TMEM232: variants seen among roughly 807,000 people sequenced by gnomAD.
TMEM232 encodes transmembrane protein 232.
In TMEM232, 80 loss-of-function variants were observed where a neutral mutation model predicts 78.8. The observed-to-expected ratio is 1.01, with a 90% CI of 0.85 to 1.22. The LOEUF is 1.22. Among genes scored for constraint, TMEM232 ranks in the 50% most tolerant of loss-of-function variants. The probability of loss-of-function intolerance (pLI) is 0.00; values close to 1 mark genes in which losing one functional copy is unlikely to be tolerated. For synonymous variants in TMEM232, 297 were observed against 254.3 expected, an observed-to-expected ratio of 1.17 and a Z score of -1.60; for missense variants, 881 against 742.2, an observed-to-expected ratio of 1.19 and a Z score of -2.17.
intron 12 of TMEM232, among the ~76,000 whole-genome samples, chr5:110,488,815 A>G (rs1764731609): frequency 6.6e-6 from 1 of 152,004 alleles, no homozygotes; most frequent in East Asian, 1.9e-4. Flanking sequence ...CTTTAGCTAC[A>G]TTAACCTAGC....
At chr5:110,390,351 A>G (rs1755133296) in intron 4 of TMEM232, 1 of 152,208 alleles carries the variant, frequency 6.6e-6, no homozygotes, top group African/African-American at 2.4e-5. Flanking sequence ...AGGACAAGTC[A>G]CAATCTGCCG....
At chr5:110,472,597 C>T (rs1375056252) in intron 12 of TMEM232, among the ~76,000 whole-genome samples, 3 of 151,680 alleles carry the variant, frequency 2.0e-5, no homozygotes, top group African/African-American at 4.8e-5. Flanking sequence ...AATCAAAGCA[C>T]TCTTGAGCAA....
intron 12 of TMEM232, among the ~76,000 whole-genome samples, chr5:110,487,491 C>A (rs922104351): frequency 2.6e-5 from 4 of 151,950 alleles, no homozygotes; most frequent in Non-Finnish European, 5.9e-5. Flanking sequence ...CCCTTGTATG[C>A]CAATTTTGCT....
chr5:110,523,088 T>A (rs1769789594), intron 12 of TMEM232, among the ~76,000 whole-genome samples: 1 of 152,222 alleles, frequency 6.6e-6, no homozygotes, highest in Admixed American at 6.5e-5. Context: ...CCATAGTAGT[T>A]ATAAGTATGT....
At chr5:110,566,473 A>C (rs1388371046) in intron 11 of TMEM232, among the ~76,000 whole-genome samples, 2 of 151,794 alleles carry the variant, frequency 1.3e-5, no homozygotes, top group African/African-American at 4.8e-5. Context: ...GTCACTTAGA[A>C]TTTTTTTCTG....
intron 13 of TMEM232, among the ~76,000 whole-genome samples, chr5:110,421,544 A>G (rs1242639281): frequency 6.6e-6 from 1 of 152,004 alleles, no homozygotes; most frequent in Non-Finnish European, 1.5e-5. Flanking sequence ...GACTCCTAGT[A>G]TGCAATATTG....
intron 8 of TMEM232, among the ~76,000 whole-genome samples, chr5:110,612,000 G>T (rs1408809577): frequency 3.3e-5 from 5 of 152,138 alleles, no homozygotes; most frequent in African/African-American, 1.2e-4. Flanking sequence ...GTGTACTGAG[G>T]TAGAAATTCA....
At chr5:110,515,560 T>G (rs1364322451) in intron 12 of TMEM232, among the ~76,000 whole-genome samples, 2 of 152,204 alleles carry the variant, frequency 1.3e-5, no homozygotes, top group East Asian at 3.8e-4. Context: ...ACCCAATGAA[T>G]GTCCAAATGC....
At chr5:110,600,966 A>C (rs1780806683) in intron 10 of TMEM232, among the ~76,000 whole-genome samples, 1 of 152,246 alleles carries the variant, frequency 6.6e-6, no homozygotes, top group African/African-American at 2.4e-5. Flanking sequence ...ACCACGATCA[A>C]GTCAGCTTCA....
At chr5:110,556,866 G>A (rs1019419290) in intron 11 of TMEM232, among the ~76,000 whole-genome samples, 2 of 152,000 alleles carry the variant, frequency 1.3e-5, no homozygotes, top group East Asian at 1.9e-4. Context: ...TCTTGATGAT[G>A]GTCATCTTGT....
rs138030380 is a variant in TMEM232, at chr5:110,550,354, T to A, written c.1455+18093A>T. Among the ~76,000 whole-genome samples, 685 of 152,262 alleles carry A rather than the reference T, an allele frequency of 4.5e-3. 3 individuals carry two copies. Among genetic ancestry groups the A allele is most frequent in the Non-Finnish European group, 7.0e-3 (479 of 68,000 alleles). On this transcript the variant is annotated intron_variant, in intron 11 of 13. Transcript: ENST00000455884. ...TGAAAATGTTGAAAGCTGTCCCTTA[T>A]GAGACTCACGTAAAACATACATGTC...
intron 2 of TMEM232, among the ~76,000 whole-genome samples, chr5:110,655,762 T>A (rs1484526039): frequency 6.6e-6 from 1 of 151,628 alleles, no homozygotes; most frequent in Admixed American, 6.6e-5. Flanking sequence ...TGTAGGGACA[T>A]GGATGAAATT....
chr5:110,643,271 A>G (rs1420018005), intron 2 of TMEM232, among the ~76,000 whole-genome samples: 1 of 152,038 alleles, frequency 6.6e-6, no homozygotes, highest in Non-Finnish European at 1.5e-5. Flanking sequence ...GTTATGTTTG[A>G]GATGATCATG....
At chr5:110,726,981 C>T (rs981257136), upstream of TMEM232, among the ~76,000 whole-genome samples, 4 of 152,130 alleles carry the variant, frequency 2.6e-5, no homozygotes, top group African/African-American at 4.8e-5. Flanking sequence ...CAAACCAGCA[C>T]GCCTATCATA....
intron 1 of TMEM232, among the ~76,000 whole-genome samples, chr5:110,682,208 T>C (rs1391273967): frequency 2.6e-5 from 4 of 152,126 alleles, no homozygotes; most frequent in Non-Finnish European, 5.9e-5. Flanking sequence ...TAAATTAAAA[T>C]TATCCTTAAG....
At chr5:110,618,306 G>C (rs1462884425) in intron 8 of TMEM232, 123 bp downstream of exon 8, 2 of 1,234,648 alleles carry the variant, frequency 1.6e-6, no homozygotes, top group Non-Finnish European at 1.1e-6. Flanking sequence ...CTTTGGAACT[G>C]AGATTATAAA....
At chr5:110,570,278 G>A (rs1031589900) in intron 10 of TMEM232, among the ~76,000 whole-genome samples, 2 of 151,850 alleles carry the variant, frequency 1.3e-5, no homozygotes, top group African/African-American at 4.8e-5. Context: ...TTGAATGAAT[G>A]GCATTAATAT....
intron 2 of TMEM232, among the ~76,000 whole-genome samples, chr5:110,644,473 C>T (rs1383188602): frequency 6.6e-6 from 1 of 151,830 alleles, no homozygotes; most frequent in Non-Finnish European, 1.5e-5. Flanking sequence ...TGCTTCCCAA[C>T]ATTACTGCTT....
At position 110,686,202 on chromosome 5, in the gene TMEM232, T is replaced by G. The variant is rs553084958; in HGVS notation, c.-12-18838A>C. ...ATCTGGGCTTAATTCAGTGACTTAG[T>G]TGACTAACAGAATGTGGCAGAAGTG... On this transcript the variant is annotated intron_variant, in intron 1 of 13. Coordinates refer to ENST00000455884, the MANE Select transcript of TMEM232 (RefSeq NM_001039763.4). Among the ~76,000 whole-genome samples the G allele has an allele frequency of 2.0e-5, 3 of 152,134 alleles. No homozygotes were observed. In the South Asian group the frequency reaches 6.2e-4, roughly 32 times the overall value.
Sources: gnomAD v4.1 joint callset for allele counts (sites outside exome capture counted in the v4.1 genomes callset) on GRCh38, gnomAD v4.1.1 for gene constraint, MANE v1.5 for transcripts, NCBI Gene and HGNC (gene_info 2026-07-23, HGNC 2026-07-21) for gene names.